The following PATJ variants were observed in gnomAD, a reference collection of about 807,000 sequenced individuals.
PATJ encodes inaD-like protein.
PATJ carries 190 observed loss-of-function variants against 224.9 expected under a neutral mutation model. The ratio of observed to expected loss-of-function variants is 0.84; its 90% CI spans 0.75 to 0.95. The LOEUF (loss-of-function observed/expected upper bound fraction) is 0.95. PATJ is among the 40% of genes least tolerant of loss of function. The probability of loss-of-function intolerance (pLI) is 0.00; values close to 1 mark genes in which losing one functional copy is unlikely to be tolerated. For synonymous variants in PATJ, 769 were observed against 820.3 expected, an observed-to-expected ratio of 0.94 and a Z score of 1.07; for missense variants, 2,121 against 2,270.3, an observed-to-expected ratio of 0.93 and a Z score of 1.34.
chr1:61,803,234 C>G (rs879268076), intron 12 of PATJ, among the ~76,000 whole-genome samples: 2 of 152,048 alleles, frequency 1.3e-5, no homozygotes, highest in Non-Finnish European at 2.9e-5. Flanking sequence ...GCTACATGAC[C>G]TTTTAAAAAC....
Position 61,903,507 on chromosome 1 carries a change from G to T in PATJ, c.3381+2048G>T, listed in dbSNP as rs577274853. The stretch of plus-strand genomic sequence containing the variant: ...AATAGTCAGTTAGATAAACAAATAA[G>T]GAGTCCCATATTCTTACTAATTTTT... On this transcript the variant is annotated intron_variant, in intron 24 of 43. Coordinates refer to ENST00000642238, the MANE Select transcript of PATJ (RefSeq NM_001350145.3). Among the ~76,000 whole-genome samples, 315 of 152,194 alleles carry T rather than the reference G, an allele frequency of 2.1e-3. 1 individual carries two copies. The highest frequency in any genetic ancestry group is 7.0e-3 in the African/African-American group (290 of 41,532).
chr1:61,859,601 T>C (rs1664235801), intron 18 of PATJ, among the ~76,000 whole-genome samples: 1 of 151,990 alleles, frequency 6.6e-6, no homozygotes, highest in Non-Finnish European at 1.5e-5. Context: ...CGGCCACTTA[T>C]CTAATTAACT....
chr1:61,801,625 A>G lies in PATJ; in HGVS notation c.1405A>G (p.Thr469Ala), dbSNP rs375861494. The G allele has an allele frequency of 5.7e-5, 86 of 1,509,136 alleles. 1 individual carries two copies. Among genetic ancestry groups the G allele is most frequent in the Admixed American group, 2.9e-4 (13 of 45,554 alleles). The allele number at this position is 1,509,136 out of a possible 1,614,324, so 93.5% of individuals were successfully genotyped here. ...AAAATTATTTTTTTTTGTTTTAGGA[A>G]CTGTTGTAGAACCACTGAAACCACC... ...SPLEPPSDRG[T>A]VVEPLKPPAL... The change falls in exon 12 of 44, where the codon ACT (threonine) becomes GCT (alanine). Residue 469 changes from threonine to alanine, a missense_variant and splice_region_variant. Thr to Ala is a moderately conservative substitution (Grantham distance 58). Coordinates refer to ENST00000642238, the MANE Select transcript of PATJ (RefSeq NM_001350145.3).
chr1:62,062,657 G>A (rs1558114869), intron 31 of PATJ, among the ~76,000 whole-genome samples: 1 of 151,230 alleles, frequency 6.6e-6, no homozygotes, highest in Admixed American at 6.6e-5. Context: ...CACCACACTT[G>A]GCTAATTTTT....
intron 42 of PATJ, among the ~76,000 whole-genome samples, chr1:62,151,582 C>T (rs1355153215): frequency 6.6e-6 from 1 of 152,058 alleles, no homozygotes; most frequent in Non-Finnish European, 1.5e-5. Context: ...CAGAGCGAGA[C>T]TCCGTCTCAA....
chr1:61,780,408 T>C (rs1052795869), intron 7 of PATJ, among the ~76,000 whole-genome samples: 2 of 152,096 alleles, frequency 1.3e-5, no homozygotes, highest in African/African-American at 4.8e-5. Context: ...GAGGTTGCAG[T>C]GAGCCAAGAT....
rs541131934 is a variant in PATJ, at chr1:62,121,305, G to A, written c.5005+10G>A. The A allele has an allele frequency of 1.1e-5, 17 of 1,533,496 alleles. No individual in the cohort carries two copies. The highest frequency in any genetic ancestry group is 9.0e-5 in the South Asian group (8 of 88,510). The allele number at this position is 1,533,496 out of a possible 1,614,324, so 95.0% of individuals were successfully genotyped here. ...TCCCAGAAAAATTCAGGTATTACACGGACACACCCAGAGCAAAACTATCCT... is the reference window on the plus strand; with the variant it reads ...TCCCAGAAAAATTCAGGTATTACACAGACACACCCAGAGCAAAACTATCCT... On this transcript the variant is annotated intron_variant, in intron 38 of 43. Transcript: ENST00000642238.
chr1:62,044,545 C>T (rs1558086860), intron 30 of PATJ, among the ~76,000 whole-genome samples: 1 of 152,204 alleles, frequency 6.6e-6, no homozygotes, highest in South Asian at 2.1e-4. Flanking sequence ...TGGGTTCCGA[C>T]ATACTTATTC....
intron 7 of PATJ, 62 bp downstream of exon 7, chr1:61,775,396 T>A (rs1463948088): frequency 4.7e-5 from 68 of 1,443,560 alleles, no homozygotes; most frequent in Non-Finnish European, 6.0e-5. Flanking sequence ...TGAATTGAAA[T>A]GTAATTTTAT....
At chr1:61,990,848 A>G (rs1645020924) in intron 28 of PATJ, among the ~76,000 whole-genome samples, 2 of 152,212 alleles carry the variant, frequency 1.3e-5, no homozygotes, top group Non-Finnish European at 2.9e-5. Flanking sequence ...GTAAGGCTAC[A>G]TAGGTTCTTT....
chr1:62,135,629 T>G (rs1558218556), intron 41 of PATJ, among the ~76,000 whole-genome samples: 1 of 151,694 alleles, frequency 6.6e-6, no homozygotes, highest in African/African-American at 2.4e-5. Flanking sequence ...TAGCCCAAGT[T>G]AGGTAGGAGA....
At chr1:61,749,770 C>G (rs567624024) in intron 1 of PATJ, among the ~76,000 whole-genome samples, 1 of 151,964 alleles carries the variant, frequency 6.6e-6, no homozygotes, top group East Asian at 1.9e-4. Flanking sequence ...CCTAGACATC[C>G]TGGGCTCAAC....
intron 30 of PATJ, among the ~76,000 whole-genome samples, chr1:62,044,956 G>A (rs901459054): frequency 2.0e-5 from 3 of 152,168 alleles, no homozygotes; most frequent in Non-Finnish European, 2.9e-5. Flanking sequence ...GGTGACTCAC[G>A]CCTGTAATCC....
rs552172554 is a variant in PATJ at position 61,748,799 on chromosome 1, G to A, written c.-36+6244G>A. Reference sequence around the variant, plus strand: ...TCAGCCTGGACTACAGGCACGCACCGGCACGCACCACCACGCTCAGCTAGT... The same window carrying A: ...TCAGCCTGGACTACAGGCACGCACCAGCACGCACCACCACGCTCAGCTAGT... On this transcript the variant is annotated intron_variant, in intron 1 of 43. Coordinates refer to ENST00000642238, the MANE Select transcript of PATJ (RefSeq NM_001350145.3). Among the ~76,000 whole-genome samples the A allele has an allele frequency of 1.2e-4, 19 of 152,014 alleles. No homozygotes were observed. The East Asian group carries it at 1.4e-3, about 11-fold the overall frequency.
intron 28 of PATJ, among the ~76,000 whole-genome samples, chr1:62,000,176 A>C (rs1314603086): frequency 6.7e-6 from 1 of 149,266 alleles, no homozygotes; most frequent in African/African-American, 2.5e-5. Context: ...GGTGACAGCC[A>C]CCGTGCCCAG....
chr1:61,973,691 T>C (rs112231808), intron 27 of PATJ, among the ~76,000 whole-genome samples: 6,677 of 152,022 alleles, frequency 0.044, 576 homozygotes, highest in African/African-American at 0.15. Context: ...GTAACCATAG[T>C]GAGCTTGCAA....
Position 61,997,820 on chromosome 1 carries a change from G to A in PATJ, c.3867+7456G>A, listed in dbSNP as rs1390013429. On this transcript the variant is annotated intron_variant, in intron 28 of 43. Coordinates refer to ENST00000642238, the MANE Select transcript of PATJ (RefSeq NM_001350145.3). The stretch of plus-strand genomic sequence containing the variant: ...GTTTTGTTTTGTTTTGTTTTGTTTT[G>A]TTTTAAAAAAAAAAAAGACAGGGTC... 8.7e-5 allele frequency among the ~76,000 whole-genome samples: 7 copies of A among 80,616 alleles called. No homozygotes were observed. The East Asian group carries it at 1.2e-3, about 14-fold the overall frequency. 52.9% of individuals were successfully genotyped at this position (80,616 alleles called of 152,430 possible). A position where few individuals can be genotyped will look rare whatever the true frequency, so the allele number is the denominator to read the frequency against.
intron 30 of PATJ, among the ~76,000 whole-genome samples, chr1:62,046,651 C>A (rs748948909): frequency 6.6e-6 from 1 of 152,112 alleles, no homozygotes; most frequent in Non-Finnish European, 1.5e-5. Context: ...TCTGTACATG[C>A]ATAATTAGGA....
At chr1:61,876,946 G>A (rs1340983378) in intron 21 of PATJ, among the ~76,000 whole-genome samples, 1 of 152,096 alleles carries the variant, frequency 6.6e-6, no homozygotes, top group Non-Finnish European at 1.5e-5. Context: ...TGTAATTATT[G>A]ACATTATTGC....
Sources: gnomAD v4.1 joint callset for allele counts (sites outside exome capture counted in the v4.1 genomes callset) on GRCh38, gnomAD v4.1.1 for gene constraint, MANE v1.5 for transcripts, NCBI Gene and HGNC (gene_info 2026-07-23, HGNC 2026-07-21) for gene names.